Variants in EFCAB11 observed in about 807,000 individuals in gnomAD.
EFCAB11 encodes the protein EF-hand calcium-binding domain-containing protein 11.
EFCAB11 carries 14 observed loss-of-function variants against 23.0 expected under a neutral mutation model. The observed-to-expected ratio is 0.61, with a 90% CI of 0.40 to 0.95. The LOEUF (loss-of-function observed/expected upper bound fraction) is 0.95. Among genes scored for constraint, EFCAB11 ranks in the 40% least tolerant of loss-of-function variants. The pLI is 0.00. For missense variants in EFCAB11, 198 were observed against 195.8 expected, an observed-to-expected ratio of 1.01 and a Z score of -0.07; for synonymous variants, 65 against 66.6, an observed-to-expected ratio of 0.98 and a Z score of 0.11.
intron 2 of EFCAB11, chr14:89,952,400 A>G: frequency 1.0e-6 from 1 of 985,454 alleles, no homozygotes; most frequent in South Asian, 4.7e-5. Flanking sequence ...TTTCCAGGTG[A>G]ATCCAAGTTA....
chr14:89,801,674 T>C (rs970424099), intron 5 of EFCAB11, among the ~76,000 whole-genome samples: 6 of 152,164 alleles, frequency 3.9e-5, no homozygotes, highest in African/African-American at 1.4e-4. Context: ...TTTGTAAAAG[T>C]AAAAATATTT....
At chr14:89,917,864 T>C (rs1376577576) in intron 5 of EFCAB11, among the ~76,000 whole-genome samples, 1 of 152,206 alleles carries the variant, frequency 6.6e-6, no homozygotes, top group Non-Finnish European at 1.5e-5. Context: ...GGAGAGTCAC[T>C]GTAAGGACTA....
At chr14:89,928,834 TATATTAC>T (rs1431549937) in intron 5 of EFCAB11, among the ~76,000 whole-genome samples, 2 of 147,446 alleles carry the variant, frequency 1.4e-5, no homozygotes, top group Non-Finnish European at 3.0e-5. Context: ...TAAATAATTA[TATATTAC>T]ATATTACATA....
intron 5 of EFCAB11, among the ~76,000 whole-genome samples, chr14:89,834,461 T>C (rs1887005932): frequency 6.6e-6 from 1 of 151,238 alleles, no homozygotes; most frequent in African/African-American, 2.4e-5. Flanking sequence ...CAATTGGATC[T>C]GCATATGTAA....
chr14:89,939,658 T>C (rs7154092), intron 3 of EFCAB11, among the ~76,000 whole-genome samples: 134 of 152,228 alleles, frequency 8.8e-4, no homozygotes, highest in Non-Finnish European at 1.6e-3. Context: ...TGAACTCTTA[T>C]AGGTTTTCTT....
intron 5 of EFCAB11, among the ~76,000 whole-genome samples, chr14:89,845,993 A>C (rs1887419401): frequency 6.6e-6 from 1 of 152,206 alleles, no homozygotes; most frequent in South Asian, 2.1e-4. Flanking sequence ...GGATTTGAAT[A>C]TTGGCTCCAT....
chr14:89,837,248 G>T, intron 5 of EFCAB11: 1 of 393,466 alleles, frequency 2.5e-6, no homozygotes, highest in Non-Finnish European at 5.2e-6. Flanking sequence ...TTTCTGCCTT[G>T]CCCTGTGCCC....
At chr14:89,927,245 G>A (rs1488930568) in intron 5 of EFCAB11, among the ~76,000 whole-genome samples, 1 of 152,106 alleles carries the variant, frequency 6.6e-6, no homozygotes, top group Non-Finnish European at 1.5e-5. Flanking sequence ...AGTGTAATAC[G>A]GGCAAGTACT....
intron 5 of EFCAB11, chr14:89,924,033 T>A (rs577194280): frequency 1.8e-5 from 18 of 985,418 alleles, no homozygotes; most frequent in Non-Finnish European, 2.2e-5. Flanking sequence ...CTTACCCCTA[T>A]AATGGCTGTG....
chr14:89,924,199 A>C (rs190874043), intron 5 of EFCAB11: 1 of 985,896 alleles, frequency 1.0e-6, no homozygotes, highest in Admixed American at 6.1e-5. Flanking sequence ...TCTAATATTC[A>C]AAAAAGGAGA....
chr14:89,808,838 G>A (rs1381242747), intron 5 of EFCAB11, among the ~76,000 whole-genome samples: 1 of 152,130 alleles, frequency 6.6e-6, no homozygotes, highest in Non-Finnish European at 1.5e-5. Flanking sequence ...AAGGTTCAGA[G>A]GGCCATATAC....
chr14:89,817,798 A>C (rs1485086427), intron 5 of EFCAB11, among the ~76,000 whole-genome samples: 1 of 152,164 alleles, frequency 6.6e-6, no homozygotes, highest in Non-Finnish European at 1.5e-5. Flanking sequence ...ATTCGAGACC[A>C]GCCTGGCCAA....
chr14:89,930,187 G>A (rs898533106), intron 5 of EFCAB11, among the ~76,000 whole-genome samples: 2 of 152,216 alleles, frequency 1.3e-5, no homozygotes, highest in African/African-American at 4.8e-5. Flanking sequence ...AGCTTGCTCA[G>A]TAGCTTGCTT....
intron 5 of EFCAB11, among the ~76,000 whole-genome samples, chr14:89,863,832 A>G (rs1317500822): frequency 3.9e-5 from 6 of 152,250 alleles, no homozygotes; most frequent in Non-Finnish European, 7.3e-5. Flanking sequence ...GAAGAATTCA[A>G]TACAGCCTGT....
intron 5 of EFCAB11, among the ~76,000 whole-genome samples, chr14:89,835,586 G>T (rs1260071866): frequency 1.1e-4 from 1 of 8,866 alleles, no homozygotes; most frequent in Non-Finnish European, 2.4e-4. Context: ...GATGCTCAAC[G>T]TGTGTGTGTG....
At chr14:89,942,481 C>T (rs1285811463) in intron 3 of EFCAB11, among the ~76,000 whole-genome samples, 1 of 152,076 alleles carries the variant, frequency 6.6e-6, no homozygotes, top group Non-Finnish European at 1.5e-5. Flanking sequence ...GACTGTTTTC[C>T]AGGTCTCTTC....
At chr14:89,890,397 G>A (rs1407170104) in intron 5 of EFCAB11, among the ~76,000 whole-genome samples, 18 of 152,124 alleles carry the variant, frequency 1.2e-4, no homozygotes, top group Non-Finnish European at 2.4e-4. Flanking sequence ...TAAAATGCCA[G>A]AATTACTAAG....
intron 5 of EFCAB11, among the ~76,000 whole-genome samples, chr14:89,875,111 C>T (rs189738171): frequency 6.6e-6 from 1 of 152,280 alleles, no homozygotes; most frequent in East Asian, 1.9e-4. Context: ...TGCCACTTGT[C>T]CCTCTAAGAA....
At chr14:89,802,778 T>A (rs1318241458) in intron 5 of EFCAB11, among the ~76,000 whole-genome samples, 5 of 152,218 alleles carry the variant, frequency 3.3e-5, no homozygotes. Flanking sequence ...CTTATGAAGA[T>A]GGTAGGGTTT....
Sources: allele counts gnomAD v4.1 joint callset (sites outside exome capture counted in the v4.1 genomes callset), GRCh38; gene constraint gnomAD v4.1.1; transcripts MANE v1.5; gene names NCBI Gene and HGNC (gene_info 2026-07-23, HGNC 2026-07-21).